RNF17: variants seen among roughly 807,000 people sequenced by gnomAD.
The protein encoded by RNF17 is ring finger protein 17.
Under a neutral mutation model 200.5 loss-of-function variants are expected in RNF17, and 31 were observed. The observed-to-expected ratio is 0.15, with a 90% CI of 0.12 to 0.21. The LOEUF (loss-of-function observed/expected upper bound fraction) is 0.21. RNF17 is among the 10% of genes least tolerant of loss of function. RNF17 has a pLI of 1.00. For synonymous variants in RNF17, 606 were observed against 637.8 expected (o/e 0.95, Z 0.75); for missense variants, 1,628 against 1,905.1 (o/e 0.85, Z 2.71).
intron 30 of RNF17, among the ~76,000 whole-genome samples, chr13:24,867,574 T>G (rs1566249804): frequency 6.6e-6 from 1 of 152,208 alleles, no homozygotes; most frequent in Non-Finnish European, 1.5e-5. Context: ...ACTTTTTTTT[T>G]GTCTACCAGT....
At chr13:24,871,991 G>A (rs1158159435) in intron 32 of RNF17, among the ~76,000 whole-genome samples, 17 of 90,892 alleles carry the variant, frequency 1.9e-4, no homozygotes, top group Middle Eastern at 0.015. Context: ...TTTTGAAGAC[G>A]GAGTTTCACT....
At chr13:24,771,175 G>C (rs1194561791) in intron 2 of RNF17, among the ~76,000 whole-genome samples, 7 of 152,076 alleles carry the variant, frequency 4.6e-5, no homozygotes, top group Admixed American at 4.6e-4. Flanking sequence ...TCTGGAGACA[G>C]GGTCTTGCTC....
At chr13:24,862,663 T>A (rs913851321) in intron 27 of RNF17, 50 bp from the exon 28 acceptor site, 2 of 1,178,802 alleles carry the variant, frequency 1.7e-6, no homozygotes, top group Non-Finnish European at 2.5e-6. Flanking sequence ...TGCTTCCTGC[T>A]CTGATTTTAT....
chr13:24,879,038 A>G (rs1895157566), intron 34 of RNF17, 149 bp from the exon 35 acceptor site: 2 of 601,996 alleles, frequency 3.3e-6, no homozygotes, highest in South Asian at 2.1e-5. Flanking sequence ...GCAGGAAACC[A>G]CTACAGATGC....
At chr13:24,886,853 C>T in the RNF17 span, among the ~76,000 whole-genome samples, 4 of 152,130 alleles carry the variant, frequency 2.6e-5, no homozygotes, top group Non-Finnish European at 5.9e-5. Context: ...GGATTCAAAC[C>T]CACTATATAT....
rs748172486 is a variant in RNF17, at chr13:24,845,069, G to T, written c.3091G>T (p.Val1031Phe). Reference protein sequence around the residue: ...MGRLSLECSLVDIRPAGGSDK... With the variant: ...MGRLSLECSLFDIRPAGGSDK... The stretch of plus-strand genomic sequence containing the variant: ...AAGACTCTCTTTGGAATGTTCTCTG[G>T]TTGACATAAGGTAGTTTTTAGCTGA... The change falls in exon 22 of 36, where the codon GTT becomes TTT. Residue 1031 changes from valine to phenylalanine, a missense_variant. Transcript: ENST00000255324. 3 of 1,486,618 alleles carry T rather than the reference G, an allele frequency of 2.0e-6. No individual in the cohort carries two copies. The highest frequency in any genetic ancestry group is 2.8e-6 in the Non-Finnish European group (3 of 1,066,308). 92.1% of individuals were successfully genotyped at this position (1,486,618 alleles called of 1,614,324 possible). A position where few individuals can be genotyped will look rare whatever the true frequency, so the allele number is the denominator to read the frequency against.
chr13:24,785,169 C>T (rs1052011913), intron 6 of RNF17, among the ~76,000 whole-genome samples: 13 of 147,740 alleles, frequency 8.8e-5, no homozygotes, highest in Admixed American at 5.5e-4. Context: ...TATGGTATAT[C>T]GTTAGGTTGT....
intron 1 of RNF17, among the ~76,000 whole-genome samples, chr13:24,765,358 C>G (rs182645650): frequency 6.6e-6 from 1 of 152,198 alleles, no homozygotes; most frequent in Non-Finnish European, 1.5e-5. Context: ...TTAGTGTGCT[C>G]TTAATACAGC....
chr13:24,789,402 C>G lies in RNF17; in HGVS notation c.838C>G (p.Pro280Ala). 1 of 1,603,256 alleles carries G rather than the reference C, an allele frequency of 6.2e-7. No homozygotes were observed. Among genetic ancestry groups the G allele is most frequent in the Non-Finnish European group, 8.5e-7 (1 of 1,171,820 alleles). The change falls in exon 8 of 36, where the codon CCA becomes GCA. Residue 280 changes from proline (P) to alanine (A), a missense_variant. Pro to Ala is a conservative substitution (Grantham distance 27, BLOSUM62 -1). Around this residue, in one of 5 missense-constraint regions of RNF17, gnomAD observed 502 missense variants for 501.7 expected, o/e 1.00. Transcript: ENST00000255324. ...SDSELAQVSS[P>A]QLRNPPRLSV... is the part of the protein sequence containing the mutation. ...TAGTGAATTAGCACAAGTTAGTTCT[C>G]CACAACTAAGGAACCCTCCCAGGTA...
At chr13:24,870,047 T>C (rs9507426) in intron 31 of RNF17, among the ~76,000 whole-genome samples, 34,765 of 149,828 alleles carry the variant, frequency 0.23, 4,462 homozygotes, top group Non-Finnish European at 0.29. Context: ...GTTCACACCA[T>C]TCTCCCACCT....
chr13:24,760,014 G>A (rs9551148), upstream of RNF17, among the ~76,000 whole-genome samples: 32,171 of 151,950 alleles, frequency 0.21, 3,773 homozygotes, highest in South Asian at 0.34. Context: ...TGGGGAGCGC[G>A]CCTGTAATCC....
intron 19 of RNF17, 21 bp downstream of exon 19, chr13:24,842,182 T>C (rs1232894764): frequency 2.5e-6 from 4 of 1,569,256 alleles, no homozygotes; most frequent in Non-Finnish European, 3.5e-6. Context: ...ATGTAAACTT[T>C]CATTGTTAGT....
chr13:24,883,301 C>T (rs1477524771), downstream of RNF17: 5 of 1,613,772 alleles, frequency 3.1e-6, no homozygotes, highest in East Asian at 4.5e-5. Context: ...TGGGTATTCC[C>T]GTCTCTTGAA....
At chr13:24,773,249 C>T (rs1881043881) in intron 2 of RNF17, among the ~76,000 whole-genome samples, 1 of 152,192 alleles carries the variant, frequency 6.6e-6, no homozygotes, top group South Asian at 2.1e-4. Context: ...GATACCTGTA[C>T]TCATATGGTT....
At chr13:24,885,197 T>TTTAGA in the RNF17 span, 1 of 988,368 alleles carries the variant, frequency 1.0e-6, no homozygotes, top group Admixed American at 1.9e-5. Flanking sequence ...GAGCCCTTAT[T>TTTAGA]TTAGATTCTA....
intron 22 of RNF17, among the ~76,000 whole-genome samples, chr13:24,849,958 A>G (rs1410552801): frequency 1.3e-5 from 2 of 152,114 alleles, no homozygotes; most frequent in Non-Finnish European, 2.9e-5. Flanking sequence ...ATCAGGGAAT[A>G]TGATGATGCA....
At chr13:24,864,329 A>G (rs1893403429) in intron 28 of RNF17, among the ~76,000 whole-genome samples, 1 of 152,234 alleles carries the variant, frequency 6.6e-6, no homozygotes, top group Admixed American at 6.5e-5. Flanking sequence ...AACAGTGAGG[A>G]GCAGTGAGTT....
At chr13:24,883,388 A>G (rs756237880), downstream of RNF17, 9 of 1,552,212 alleles carry the variant, frequency 5.8e-6, no homozygotes, top group African/African-American at 4.1e-5. Context: ...TTTAAAAAAA[A>G]TATGATTTCT....
intron 16 of RNF17, among the ~76,000 whole-genome samples, chr13:24,826,739 C>T (rs1293504496): frequency 1.3e-5 from 2 of 151,646 alleles, no homozygotes; most frequent in African/African-American, 4.8e-5. Flanking sequence ...CGCCACTGCA[C>T]TCCAGCCTGG....
Sources: gnomAD v4.1 joint callset for allele counts (sites outside exome capture counted in the v4.1 genomes callset) on GRCh38, gnomAD v4.1.1 for gene constraint, gnomAD v4.1.1 regional missense constraint, MANE v1.5 for transcripts, NCBI Gene and HGNC (gene_info 2026-07-23, HGNC 2026-07-21) for gene names.